SPOCK1: variants seen among roughly 807,000 people sequenced by gnomAD.
SPOCK1 encodes SPARC (osteonectin), cwcv and kazal like domains proteoglycan 1.
SPOCK1 carries 23 observed loss-of-function variants against 55.3 expected under a neutral mutation model. The ratio of observed to expected loss-of-function variants is 0.42; its 90% confidence interval spans 0.30 to 0.59. The LOEUF (loss-of-function observed/expected upper bound fraction) is 0.59, where lower values mean the gene tolerates loss of function less well. Among genes scored for constraint, SPOCK1 ranks in the 20% least tolerant of loss-of-function variants. The pLI is 0.22. For missense variants in SPOCK1, 499 were observed against 552.5 expected (o/e 0.90, Z 0.97); for synonymous variants, 226 against 221.0 (o/e 1.02, Z -0.20).
chr5:137,454,985 CTT>C (rs1380833194), intron 2 of SPOCK1, among the ~76,000 whole-genome samples: 2 of 152,152 alleles, frequency 1.3e-5, no homozygotes, highest in Non-Finnish European at 2.9e-5. Context: ...AATGGTCTCT[CTT>C]TTCCAAAGTA....
At chr5:136,992,409 A>AC in intron 7 of SPOCK1, 75 bp downstream of exon 7, 1 of 1,130,602 alleles carries the variant, frequency 8.8e-7, no homozygotes, top group Non-Finnish European at 1.3e-6. Context: ...GGTGTTTTTC[A>AC]CCCCCAAATG....
intron 3 of SPOCK1, among the ~76,000 whole-genome samples, chr5:137,201,793 T>G (rs1755431382): frequency 6.6e-6 from 1 of 152,216 alleles, no homozygotes; most frequent in South Asian, 2.1e-4. Context: ...ACACTGTCTC[T>G]TCTTCATCAT....
chr5:137,039,412 C>A (rs773424780), intron 6 of SPOCK1, among the ~76,000 whole-genome samples: 29 of 151,664 alleles, frequency 1.9e-4, no homozygotes, highest in Non-Finnish European at 3.5e-4. Context: ...ACCTCAATGC[C>A]CATGTTCATG....
At chr5:137,238,132 G>A (rs556554197) in intron 3 of SPOCK1, among the ~76,000 whole-genome samples, 2 of 152,170 alleles carry the variant, frequency 1.3e-5, no homozygotes, top group Non-Finnish European at 2.9e-5. Context: ...GGGCTGTAGA[G>A]AGAATTAAAA....
intron 5 of SPOCK1, among the ~76,000 whole-genome samples, chr5:137,080,622 T>C (rs1752864397): frequency 6.6e-6 from 1 of 151,198 alleles, no homozygotes; most frequent in South Asian, 2.1e-4. Flanking sequence ...TTCCCAGATG[T>C]ATCCCAGGCA....
intron 9 of SPOCK1, among the ~76,000 whole-genome samples, chr5:136,979,889 T>C (rs1186368640): frequency 6.6e-6 from 1 of 152,196 alleles, no homozygotes; most frequent in Non-Finnish European, 1.5e-5. Context: ...TGCTAGTAAA[T>C]ATCAAGTCCA....
chr5:137,131,844 C>T (rs1279777757), intron 4 of SPOCK1, among the ~76,000 whole-genome samples: 2 of 143,746 alleles, frequency 1.4e-5, no homozygotes, highest in African/African-American at 2.6e-5. Flanking sequence ...TAGGGGCGGG[C>T]GCCTGTAGTC....
intron 3 of SPOCK1, among the ~76,000 whole-genome samples, chr5:137,172,023 C>G (rs1243662824): frequency 1.3e-5 from 2 of 152,172 alleles, no homozygotes; most frequent in African/African-American, 4.8e-5. Flanking sequence ...CCTTTGAATG[C>G]AGGTTGTCAT....
At chr5:137,379,408 GA>G (rs371907319) in intron 2 of SPOCK1, among the ~76,000 whole-genome samples, 1 of 151,842 alleles carries the variant, frequency 6.6e-6, no homozygotes, top group South Asian at 2.1e-4. Context: ...TTACCGAAAA[GA>G]AAAAAAAGTC....
chr5:137,496,591 C>T (rs1358805349), intron 2 of SPOCK1, among the ~76,000 whole-genome samples: 1 of 152,184 alleles, frequency 6.6e-6, no homozygotes, highest in African/African-American at 2.4e-5. Flanking sequence ...AAGCAACTGC[C>T]CTGCTCTTCA....
intron 5 of SPOCK1, among the ~76,000 whole-genome samples, chr5:137,091,466 T>C (rs1331474357): frequency 6.6e-6 from 1 of 152,240 alleles, no homozygotes; most frequent in Non-Finnish European, 1.5e-5. Flanking sequence ...AGAAGGCCTG[T>C]GTTCATGTCT....
At position 136,988,664 on chromosome 5, in the gene SPOCK1, C is replaced by A. The variant is rs1385028432; in HGVS notation, c.707-21G>T. ...AAACCCTGCCAAACAAAAGGCATAT[C>A]TCAGCTGCCACCAAGCCTGATGCTT... On this transcript the variant is annotated intron_variant, in intron 7 of 10. Transcript: ENST00000394945. 3.7e-6 allele frequency: 6 copies of A among 1,600,322 alleles called. No homozygotes were observed. In the East Asian group the frequency reaches 1.3e-4, roughly 36 times the overall value.
At position 137,442,203 on chromosome 5, in the gene SPOCK1, G is replaced by A. The variant is rs190421814; in HGVS notation, c.186+56170C>T. On this transcript the variant is annotated intron_variant, in intron 2 of 10. Coordinates refer to ENST00000394945, the MANE Select transcript of SPOCK1 (RefSeq NM_004598.4). ...ATATGGGTTGTTTGAAATGTTTTGG[G>A]TCATTCAACCAGTTACTTTTTAAAC... Among the ~76,000 whole-genome samples, 523 of 152,244 alleles carry A rather than the reference G, an allele frequency of 3.4e-3. 2 individuals carry two copies. Among genetic ancestry groups the A allele is most frequent in the Non-Finnish European group, 6.5e-3 (439 of 68,016 alleles).
chr5:137,488,107 T>G (rs533448746), intron 2 of SPOCK1, among the ~76,000 whole-genome samples: 14 of 152,298 alleles, frequency 9.2e-5, no homozygotes, highest in African/African-American at 3.1e-4. Context: ...CTGAGCACAG[T>G]GGCTCACACC....
intron 2 of SPOCK1, among the ~76,000 whole-genome samples, chr5:137,280,869 C>G (rs1322863684): frequency 6.6e-6 from 1 of 152,202 alleles, no homozygotes; most frequent in Non-Finnish European, 1.5e-5. Context: ...CAATCCCCTC[C>G]TCCCAGCGCT....
intron 2 of SPOCK1, among the ~76,000 whole-genome samples, chr5:137,350,224 G>A (rs1213586136): frequency 6.6e-6 from 1 of 152,160 alleles, no homozygotes; most frequent in East Asian, 1.9e-4. Flanking sequence ...GCTGAGAAGA[G>A]GAGCTGCCAA....
At chr5:137,208,965 C>A (rs751581230) in intron 3 of SPOCK1, among the ~76,000 whole-genome samples, 1 of 151,940 alleles carries the variant, frequency 6.6e-6, no homozygotes, top group South Asian at 2.1e-4. Context: ...GACTGTAAAA[C>A]CCAGTTTCAT....
intron 4 of SPOCK1, among the ~76,000 whole-genome samples, chr5:137,130,461 A>C (rs909401859): frequency 1.3e-4 from 20 of 152,226 alleles, no homozygotes; most frequent in African/African-American, 4.8e-4. Flanking sequence ...CAATCACCAA[A>C]GCATGCACAT....
At chr5:137,497,639 C>T (rs547534301) in intron 2 of SPOCK1, among the ~76,000 whole-genome samples, 70 of 152,312 alleles carry the variant, frequency 4.6e-4, no homozygotes, top group African/African-American at 1.6e-3. Context: ...GAGGCAGAAA[C>T]AGGCCGCAAG....
Sources: gnomAD v4.1 joint callset for allele counts (sites outside exome capture counted in the v4.1 genomes callset) on GRCh38, gnomAD v4.1.1 for gene constraint, MANE v1.5 for transcripts, NCBI Gene and HGNC (gene_info 2026-07-23, HGNC 2026-07-21) for gene names.